Variants in RPS6KA2 observed in about 807,000 individuals in gnomAD.
The protein encoded by RPS6KA2 is ribosomal protein S6 kinase alpha-2.
In RPS6KA2, 42 loss-of-function variants were observed where a neutral mutation model predicts 91.8. The ratio of observed to expected loss-of-function variants is 0.46; its 90% CI spans 0.36 to 0.59. The LOEUF is 0.59. RPS6KA2 is among the 20% of genes least tolerant of loss of function. The pLI, the probability that RPS6KA2 is intolerant of heterozygous loss-of-function variation, is 0.00. For synonymous variants in RPS6KA2, 414 were observed against 393.6 expected, an observed-to-expected ratio of 1.05 and a Z score of -0.61; for missense variants, 798 against 978.5, an observed-to-expected ratio of 0.82 and a Z score of 2.46.
intron 2 of RPS6KA2, among the ~76,000 whole-genome samples, chr6:166,670,364 G>T (rs1788437588): frequency 6.6e-6 from 1 of 152,240 alleles, no homozygotes; most frequent in Non-Finnish European, 1.5e-5. Flanking sequence ...CTGACAGCTG[G>T]ATGTAGCCTC....
chr6:166,463,480 G>A (rs903329308), intron 11 of RPS6KA2: 1 of 152,222 alleles, frequency 6.6e-6, no homozygotes, highest in African/African-American at 2.4e-5. Flanking sequence ...GTCCCAGGAT[G>A]TCAGAATGAC....
chr6:166,862,211 G>A (rs1391945991), exon 1 of RPS6KA2: 3 of 1,613,694 alleles, frequency 1.9e-6, no homozygotes, highest in African/African-American at 1.3e-5. Context: ...ATTGATAGTA[G>A]GAAAGGAAAT....
intron 1 of RPS6KA2, among the ~76,000 whole-genome samples, chr6:166,582,050 AG>A (rs759347523): frequency 1.2e-5 from 1 of 86,436 alleles, no homozygotes; most frequent in Non-Finnish European, 2.3e-5. Context: ...TGGGCTGGGC[AG>A]GAGGGCCCAG....
rs186135559 is a variant in RPS6KA2 at position 166,483,987 on chromosome 6, C to T, written c.907+4846G>A. On this transcript the variant is annotated intron_variant, in intron 10 of 20. Transcript: ENST00000265678. ...TTTGTGAACAAGAATTCTGGGTAAG[C>T]GCACAGAAACAGCATGACGTCCATG... Among the ~76,000 whole-genome samples, 777 of 152,362 alleles carry T rather than the reference C, an allele frequency of 5.1e-3. 7 individuals carry two copies. The highest frequency in any genetic ancestry group is 0.018 in the African/African-American group (741 of 41,580).
chr6:166,760,197 C>G (rs534588894), intron 2 of RPS6KA2, among the ~76,000 whole-genome samples: 1 of 152,302 alleles, frequency 6.6e-6, no homozygotes, highest in East Asian at 1.9e-4. Flanking sequence ...TTAGGCAAAT[C>G]AGGGGCACCT....
At chr6:166,746,501 T>C (rs1791017807) in intron 2 of RPS6KA2, among the ~76,000 whole-genome samples, 1 of 152,188 alleles carries the variant, frequency 6.6e-6, no homozygotes, top group African/African-American at 2.4e-5. Flanking sequence ...CAGCAACCGA[T>C]CAGTTCTGCA....
chr6:166,592,565 G>A (rs771475037), intron 1 of RPS6KA2, among the ~76,000 whole-genome samples: 6 of 152,118 alleles, frequency 3.9e-5, no homozygotes, highest in Non-Finnish European at 7.4e-5. Flanking sequence ...GATACGTGAG[G>A]GGAAGAAATC....
At chr6:166,609,996 A>T (rs1417772470) in intron 1 of RPS6KA2, among the ~76,000 whole-genome samples, 3 of 152,192 alleles carry the variant, frequency 2.0e-5, no homozygotes, top group Non-Finnish European at 4.4e-5. Context: ...TTTTCTAATC[A>T]TTCCTACTCA....
chr6:166,712,984 T>C (rs184424969), intron 2 of RPS6KA2, among the ~76,000 whole-genome samples: 174 of 152,270 alleles, frequency 1.1e-3, no homozygotes, highest in African/African-American at 4.1e-3. Flanking sequence ...TCATTAGAAA[T>C]GAAGCCAAAA....
At chr6:166,621,249 C>G (rs955340516) in intron 1 of RPS6KA2, among the ~76,000 whole-genome samples, 2 of 152,234 alleles carry the variant, frequency 1.3e-5, no homozygotes, top group Non-Finnish European at 2.9e-5. Context: ...CTGCTTCTGG[C>G]CTGCTTGGTA....
intron 2 of RPS6KA2, among the ~76,000 whole-genome samples, chr6:166,832,288 A>C (rs1045135786): frequency 7.9e-5 from 12 of 152,256 alleles, no homozygotes; most frequent in African/African-American, 2.9e-4. Flanking sequence ...ATTTGGACAC[A>C]TTGGCTGTGC....
At chr6:166,660,144 TC>T (rs1788120122) in intron 2 of RPS6KA2, among the ~76,000 whole-genome samples, 2 of 152,230 alleles carry the variant, frequency 1.3e-5, no homozygotes, top group South Asian at 4.1e-4. Context: ...TTACTTTTTT[TC>T]CACTACTTTC....
chr6:166,680,396 T>G (rs9347147), intron 2 of RPS6KA2, among the ~76,000 whole-genome samples: 14,302 of 152,172 alleles, frequency 0.094, 843 homozygotes, highest in Middle Eastern at 0.19. Flanking sequence ...TGGGGCCAGA[T>G]AAGGGAATAA....
At chr6:166,690,398 G>C (rs1057404786) in intron 2 of RPS6KA2, among the ~76,000 whole-genome samples, 5 of 152,196 alleles carry the variant, frequency 3.3e-5, no homozygotes, top group Non-Finnish European at 7.3e-5. Context: ...AGACATGTCA[G>C]CACAGAAAGG....
intron 2 of RPS6KA2, among the ~76,000 whole-genome samples, chr6:166,716,230 C>T (rs1415279199): frequency 1.3e-5 from 2 of 152,102 alleles, no homozygotes. Flanking sequence ...AAAACCGTCA[C>T]CAAGCCTCTA....
chr6:166,566,355 A>G (rs1462504010), intron 1 of RPS6KA2, among the ~76,000 whole-genome samples: 1 of 152,208 alleles, frequency 6.6e-6, no homozygotes, highest in African/African-American at 2.4e-5. Flanking sequence ...TAGGCAGTGT[A>G]TCAGGCAGGG....
At position 166,677,227 on chromosome 6, in the gene RPS6KA2, A is replaced by G. The variant is rs376509853; in HGVS notation, c.124-138443T>C. On this transcript the variant is annotated intron_variant, in intron 2 of 21. Coordinates refer to the RPS6KA2 transcript ENST00000503859. ...ACGGAACGGAAGGACATGGGCATCA[A>G]GCCAAGGTTAGGTTTTATACCTAAG... 8.3e-4 allele frequency among the ~76,000 whole-genome samples: 126 copies of G among 152,346 alleles called. 1 individual carries two copies. The highest frequency in any genetic ancestry group is 6.8e-3 in the Middle Eastern group (2 of 294).
At chr6:166,650,115 C>G (rs1298469755) in intron 2 of RPS6KA2, among the ~76,000 whole-genome samples, 1 of 147,936 alleles carries the variant, frequency 6.8e-6, no homozygotes, top group Non-Finnish European at 1.5e-5. Flanking sequence ...AAACTTCCCT[C>G]AGCACCAGGC....
At chr6:166,817,966 AC>A (rs1434573804) in intron 2 of RPS6KA2, among the ~76,000 whole-genome samples, 2 of 151,588 alleles carry the variant, frequency 1.3e-5, no homozygotes, top group Non-Finnish European at 2.9e-5. Flanking sequence ...CAGGCAATCC[AC>A]CCACCTCGGC....
Sources: allele counts gnomAD v4.1 joint callset (sites outside exome capture counted in the v4.1 genomes callset), GRCh38; gene constraint gnomAD v4.1.1; transcripts MANE v1.5; gene names NCBI Gene and HGNC (gene_info 2026-07-23, HGNC 2026-07-21).